The following FAM81A variants were observed in gnomAD, a reference collection of about 807,000 sequenced individuals.
FAM81A encodes protein FAM81A.
FAM81A carries 19 observed loss-of-function variants against 46.7 expected under a neutral mutation model. The observed-to-expected ratio is 0.41, with a 90% confidence interval of 0.28 to 0.60. The LOEUF is 0.60. Among genes scored for constraint, FAM81A ranks in the 20% least tolerant of loss-of-function variants. The pLI, the probability that FAM81A is intolerant of heterozygous loss-of-function variation, is 0.34. For missense variants in FAM81A, 377 were observed against 453.5 expected, an observed-to-expected ratio of 0.83 and a Z score of 1.53; for synonymous variants, 183 against 152.9, an observed-to-expected ratio of 1.20 and a Z score of -1.45.
chr15:59,401,839 C>T (rs1290447978), intron 1 of FAM81A: 3 of 743,366 alleles, frequency 4.0e-6, no homozygotes, highest in African/African-American at 3.5e-5. Flanking sequence ...ATTTTCTCAG[C>T]ATGGCCCTGT....
At chr15:59,441,593 T>C (rs77187764) in intron 1 of FAM81A, among the ~76,000 whole-genome samples, 50 of 152,368 alleles carry the variant, frequency 3.3e-4, no homozygotes, top group Non-Finnish European at 5.1e-4. Context: ...CTCATCTTTC[T>C]GTTGAAACTG....
In FAM81A at chr15:59,477,284, A is replaced by G. The variant is rs186791912; in HGVS notation, c.295-14987A>G. 2.1e-3 allele frequency among the ~76,000 whole-genome samples: 314 copies of G among 152,270 alleles called. 2 individuals are homozygous for G. The highest frequency in any genetic ancestry group is 7.2e-3 in the African/African-American group (300 of 41,566). On this transcript the variant is annotated intron_variant, in intron 3 of 8. Coordinates refer to ENST00000288228, the MANE Select transcript of FAM81A (RefSeq NM_152450.3). ...TAGATTCTTGAAGAATATCTTCTGTAAATTGCCTGAGTTTTTATTATTATT... is the reference window on the plus strand; with the variant it reads ...TAGATTCTTGAAGAATATCTTCTGTGAATTGCCTGAGTTTTTATTATTATT...
intron 3 of FAM81A, among the ~76,000 whole-genome samples, chr15:59,479,233 C>G (rs573246364): frequency 1.2e-4 from 19 of 152,038 alleles, no homozygotes; most frequent in Non-Finnish European, 2.2e-4. Flanking sequence ...GGATGGTGGC[C>G]GGGCGCGGTG....
intron 6 of FAM81A, among the ~76,000 whole-genome samples, chr15:59,510,475 T>C (rs139486557): frequency 0.017 from 2,503 of 151,034 alleles, 181 homozygotes; most frequent in Admixed American, 0.14. Flanking sequence ...CAAATAAATA[T>C]AGAAAGATCT....
chr15:59,456,989 G>A (rs1369928229), intron 1 of FAM81A, among the ~76,000 whole-genome samples: 1 of 152,172 alleles, frequency 6.6e-6, no homozygotes, highest in African/African-American at 2.4e-5. Flanking sequence ...TGTTTCTTAA[G>A]TTAGGCTATT....
chr15:59,464,430 C>T (rs1276324683), intron 3 of FAM81A, among the ~76,000 whole-genome samples: 7 of 152,132 alleles, frequency 4.6e-5, no homozygotes, highest in South Asian at 2.1e-4. Context: ...TTTACATTCC[C>T]GCCAACAGTG....
chr15:59,435,020 G>A (rs546983978), upstream of FAM81A, among the ~76,000 whole-genome samples: 86 of 152,346 alleles, frequency 5.6e-4, no homozygotes, highest in African/African-American at 2.0e-3. Flanking sequence ...CGGGCTTGGT[G>A]GCTTATGCCT....
chr15:59,511,894 C>G (rs1453725361), intron 6 of FAM81A, among the ~76,000 whole-genome samples: 1 of 152,084 alleles, frequency 6.6e-6, no homozygotes, highest in East Asian at 1.9e-4. Flanking sequence ...CGTGATCTGC[C>G]CACCTCGGCC....
At chr15:59,475,976 A>G (rs2081762062) in intron 3 of FAM81A, among the ~76,000 whole-genome samples, 1 of 152,212 alleles carries the variant, frequency 6.6e-6, no homozygotes, top group Admixed American at 6.5e-5. Context: ...TTTCTTTTTC[A>G]TGATTCTGGA....
At chr15:59,469,897 G>A (rs1175026864) in intron 3 of FAM81A, among the ~76,000 whole-genome samples, 1 of 152,130 alleles carries the variant, frequency 6.6e-6, no homozygotes, top group Non-Finnish European at 1.5e-5. Flanking sequence ...AGGAGCTCTT[G>A]TAAGGCAGAC....
At chr15:59,400,764 G>A (rs532750712) in intron 1 of FAM81A, among the ~76,000 whole-genome samples, 61 of 152,214 alleles carry the variant, frequency 4.0e-4, no homozygotes, top group Admixed American at 1.9e-3. Context: ...TGTCAGTGCC[G>A]GTTGCTTTCA....
intron 1 of FAM81A, chr15:59,444,966 A>G (rs956094802): frequency 6.6e-6 from 1 of 152,214 alleles, no homozygotes; most frequent in African/African-American, 2.4e-5. Context: ...AAGGAACATA[A>G]TTACCTCTTT....
chr15:59,447,280 C>A (rs190882362), intron 1 of FAM81A, among the ~76,000 whole-genome samples: 2 of 152,222 alleles, frequency 1.3e-5, no homozygotes, highest in Admixed American at 1.3e-4. Context: ...TGCTGTTGGC[C>A]TAAGGACAGA....
chr15:59,488,834 T>G (rs1427332261), intron 3 of FAM81A, among the ~76,000 whole-genome samples: 2 of 152,004 alleles, frequency 1.3e-5, no homozygotes, highest in Non-Finnish European at 2.9e-5. Context: ...ATAAAATAGC[T>G]GAGCGTGCTG....
chr15:59,497,637 C>CTTGAGGCCAGGAGT (rs145090494), intron 4 of FAM81A, among the ~76,000 whole-genome samples: 2 of 151,702 alleles, frequency 1.3e-5, no homozygotes, highest in African/African-American at 2.4e-5. Context: ...AGGAGGATTG[C>CTTGAGGCCAGGAGT]TTGAGGCCAG....
chr15:59,508,733 C>T (rs970560985), intron 5 of FAM81A, 130 bp from the exon 6 acceptor site: 20 of 611,704 alleles, frequency 3.3e-5, no homozygotes, highest in African/African-American at 1.1e-4. Context: ...ATGAGGTAGA[C>T]TTATAAATGA....
intron 1 of FAM81A, among the ~76,000 whole-genome samples, chr15:59,400,545 A>T (rs1317731200): frequency 6.6e-6 from 1 of 151,552 alleles, no homozygotes; most frequent in Admixed American, 6.6e-5. Context: ...ACCTCTTGAA[A>T]CCCTAGGGTG....
chr15:59,423,854 T>C (rs1406168919), intron 2 of FAM81A, among the ~76,000 whole-genome samples: 1 of 152,252 alleles, frequency 6.6e-6, no homozygotes, highest in Admixed American at 6.5e-5. Context: ...TGATTTCTCT[T>C]CCTTTACTGG....
At position 59,487,592 on chromosome 15, in the gene FAM81A, A is replaced by C. The variant is rs1272955327; in HGVS notation, c.295-4679A>C. Among the ~76,000 whole-genome samples, 8 of 152,230 alleles carry C rather than the reference A, an allele frequency of 5.3e-5. No individual in the cohort carries two copies. In the South Asian group the frequency reaches 1.7e-3, roughly 32 times the overall value. ...GGAGACCTTACAACCCATATCACAG[A>C]AATTCAAAGGATCATTAGAGGCTAC... On this transcript the variant is annotated intron_variant, in intron 3 of 8. Transcript: ENST00000288228.
Sources: gnomAD v4.1 joint callset for allele counts (sites outside exome capture counted in the v4.1 genomes callset) on GRCh38, gnomAD v4.1.1 for gene constraint, MANE v1.5 for transcripts, NCBI Gene and HGNC (gene_info 2026-07-23, HGNC 2026-07-21) for gene names.